The following HPSE2 variants were observed in gnomAD, a reference collection of about 807,000 sequenced individuals.
The protein encoded by HPSE2 is heparanase 2 (inactive).
In HPSE2, 38 loss-of-function variants were observed where a neutral mutation model predicts 60.5. The observed-to-expected ratio is 0.63, with a 90% CI of 0.48 to 0.82. The LOEUF (loss-of-function observed/expected upper bound fraction) is 0.82. Among genes scored for constraint, HPSE2 ranks in the 40% least tolerant of loss-of-function variants. The probability of loss-of-function intolerance (pLI) is 0.00; values close to 1 mark genes in which losing one functional copy is unlikely to be tolerated. For missense variants in HPSE2, 713 were observed against 740.4 expected (o/e 0.96, Z 0.43); for synonymous variants, 295 against 293.2 (o/e 1.01, Z -0.06).
intron 3 of HPSE2, among the ~76,000 whole-genome samples, chr10:98,819,204 C>G (rs1951361739): frequency 1.9e-5 from 2 of 106,070 alleles, no homozygotes; most frequent in Admixed American, 1.9e-4. Context: ...AATCTTGTCT[C>G]TTAATCATTT....
intron 2 of HPSE2, among the ~76,000 whole-genome samples, chr10:99,184,522 C>CCAAAAAAA (rs1847899081): frequency 1.3e-4 from 8 of 60,788 alleles, no homozygotes; most frequent in African/African-American, 8.5e-4. Context: ...GAGACTGTCT[C>CCAAAAAAA]AAAAAAAAAA....
chr10:99,073,399 C>G (rs1013993415), intron 3 of HPSE2, among the ~76,000 whole-genome samples: 2 of 152,024 alleles, frequency 1.3e-5, no homozygotes, highest in Admixed American at 6.6e-5. Flanking sequence ...ACCACATGTT[C>G]TCACTTACAG....
the HPSE2 span, among the ~76,000 whole-genome samples, chr10:99,253,265 A>C: frequency 6.6e-6 from 1 of 152,158 alleles, no homozygotes; most frequent in Admixed American, 6.5e-5. Context: ...AAACTGTACC[A>C]CTCATAGTAC....
intron 3 of HPSE2, among the ~76,000 whole-genome samples, chr10:98,821,193 A>G (rs1284859437): frequency 1.3e-5 from 2 of 152,200 alleles, no homozygotes; most frequent in Non-Finnish European, 2.9e-5. Flanking sequence ...ACAGACATGC[A>G]TCTCTTAAGT....
At chr10:98,529,871 C>T (rs1195693431) in intron 9 of HPSE2, among the ~76,000 whole-genome samples, 1 of 152,212 alleles carries the variant, frequency 6.6e-6, no homozygotes, top group Admixed American at 6.5e-5. Flanking sequence ...TGTTTCTCTC[C>T]TTCATCCTCA....
At chr10:99,068,666 A>T (rs1176264303) in intron 3 of HPSE2, among the ~76,000 whole-genome samples, 1 of 152,204 alleles carries the variant, frequency 6.6e-6, no homozygotes, top group Non-Finnish European at 1.5e-5. Flanking sequence ...TAGAAAAGCA[A>T]CAGAAAAACA....
At chr10:98,825,148 G>A (rs980853892) in intron 3 of HPSE2, among the ~76,000 whole-genome samples, 1 of 152,210 alleles carries the variant, frequency 6.6e-6, no homozygotes, top group African/African-American at 2.4e-5. Flanking sequence ...CTTCTTCAGA[G>A]TTTATCAATC....
the HPSE2 span, among the ~76,000 whole-genome samples, chr10:99,262,102 T>C: frequency 1.3e-5 from 2 of 152,170 alleles, no homozygotes; most frequent in East Asian, 1.9e-4. Context: ...TACAGGACCA[T>C]CACAGATGCT....
chr10:98,697,171 T>G (rs1170435797), intron 5 of HPSE2, among the ~76,000 whole-genome samples: 1 of 152,114 alleles, frequency 6.6e-6, no homozygotes, highest in Non-Finnish European at 1.5e-5. Flanking sequence ...TTGACAGAAG[T>G]AGGCTTCATT....
intron 3 of HPSE2, among the ~76,000 whole-genome samples, chr10:99,120,536 C>T (rs925554294): frequency 1.3e-5 from 2 of 151,326 alleles, no homozygotes; most frequent in African/African-American, 2.4e-5. Context: ...TGCAATCGTG[C>T]GATCTTGGCT....
At chr10:98,743,360 G>A (rs552580890) in intron 4 of HPSE2, among the ~76,000 whole-genome samples, 1 of 152,332 alleles carries the variant, frequency 6.6e-6, no homozygotes, top group South Asian at 2.1e-4. Context: ...TTTAAGAAAT[G>A]CTGGGTTAAA....
chr10:99,056,016 C>T (rs961978528), intron 3 of HPSE2, among the ~76,000 whole-genome samples: 18 of 151,840 alleles, frequency 1.2e-4, no homozygotes, highest in Non-Finnish European at 2.4e-4. Context: ...TTAATAAAAT[C>T]CAAAGTTTTT....
intron 3 of HPSE2, among the ~76,000 whole-genome samples, chr10:99,093,224 T>G (rs1420269941): frequency 6.6e-6 from 1 of 151,736 alleles, no homozygotes; most frequent in Non-Finnish European, 1.5e-5. Context: ...CAAGGCTCCA[T>G]TTCAAAAAAA....
At chr10:98,502,406 GC>G in intron 9 of HPSE2, among the ~76,000 whole-genome samples, 1 of 152,248 alleles carries the variant, frequency 6.6e-6, no homozygotes, top group Non-Finnish European at 1.5e-5. Context: ...CATACTTACA[GC>G]CAACTGATCT....
At position 98,620,594 on chromosome 10, in the gene HPSE2, T is replaced by G; in HGVS notation, c.1205+8A>C. On this transcript the variant is annotated splice_region_variant and intron_variant, in intron 8 of 11. Coordinates refer to ENST00000370552, the MANE Select transcript of HPSE2 (RefSeq NM_021828.5). Reference sequence around the variant, plus strand: ...GCCCCTGGGGGTGAACTTGCAGGTGTTACTCACAAGAATCCTGCAGCATAG... The same window carrying G: ...GCCCCTGGGGGTGAACTTGCAGGTGGTACTCACAAGAATCCTGCAGCATAG... 6.2e-7 allele frequency: 1 copy of G among 1,607,744 alleles called. No homozygotes were observed. Among genetic ancestry groups the G allele is most frequent in the Non-Finnish European group, 8.5e-7 (1 of 1,174,328 alleles).
chr10:99,223,087 G>A (rs562979252), intron 2 of HPSE2, among the ~76,000 whole-genome samples: 26 of 152,218 alleles, frequency 1.7e-4, no homozygotes, highest in Non-Finnish European at 3.2e-4. Flanking sequence ...ATACTTCATA[G>A]CAGAGGCTCC....
chr10:99,100,834 T>C (rs1843939875), intron 3 of HPSE2, among the ~76,000 whole-genome samples: 1 of 152,168 alleles, frequency 6.6e-6, no homozygotes, highest in African/African-American at 2.4e-5. Context: ...TAGGGGCCAA[T>C]ATTCAACATT....
chr10:98,865,820 G>A (rs957537734), intron 3 of HPSE2, among the ~76,000 whole-genome samples: 17 of 152,098 alleles, frequency 1.1e-4, no homozygotes, highest in African/African-American at 4.1e-4. Flanking sequence ...AGTACTCAGA[G>A]AGGTCTTGCC....
At chr10:98,573,459 G>A (rs765641397) in intron 9 of HPSE2, among the ~76,000 whole-genome samples, 3 of 46,130 alleles carry the variant, frequency 6.5e-5, no homozygotes, top group Non-Finnish European at 2.1e-4. Flanking sequence ...ACTCTGTGGA[G>A]AGCCCACTCT....
Sources: gnomAD v4.1 joint callset for allele counts (sites outside exome capture counted in the v4.1 genomes callset) on GRCh38, gnomAD v4.1.1 for gene constraint, MANE v1.5 for transcripts, NCBI Gene and HGNC (gene_info 2026-07-23, HGNC 2026-07-21) for gene names.